Variants in IGSF21 observed in about 807,000 individuals in gnomAD.
The protein encoded by IGSF21 is immunoglobin superfamily member 21, also known as immunoglobulin superfamily member 21.
IGSF21 carries 28 observed loss-of-function variants against 46.8 expected under a neutral mutation model. That is an observed-to-expected ratio of 0.60 (90% CI 0.44 to 0.82). The LOEUF (loss-of-function observed/expected upper bound fraction) is 0.82, where lower values mean the gene tolerates loss of function less well. IGSF21 is among the 40% of genes least tolerant of loss of function. IGSF21 has a pLI of 0.00. For synonymous variants in IGSF21, 284 were observed against 273.6 expected, an observed-to-expected ratio of 1.04 and a Z score of -0.38; for missense variants, 624 against 665.5, an observed-to-expected ratio of 0.94 and a Z score of 0.69.
At chr1:18,367,810 G>A (rs927213104) in intron 6 of IGSF21, among the ~76,000 whole-genome samples, 15 of 150,838 alleles carry the variant, frequency 9.9e-5, no homozygotes, top group South Asian at 4.2e-4. Context: ...TCACCATATC[G>A]GCCAGGCTGG....
At chr1:18,369,488 T>C (rs2086202807) in intron 6 of IGSF21, among the ~76,000 whole-genome samples, 5 of 152,182 alleles carry the variant, frequency 3.3e-5, no homozygotes, top group Admixed American at 3.3e-4. Context: ...AGATCTCACA[T>C]TCTTAACCAC....
At chr1:18,373,295 G>A (rs1420015830) in intron 6 of IGSF21, among the ~76,000 whole-genome samples, 1 of 152,138 alleles carries the variant, frequency 6.6e-6, no homozygotes, top group Admixed American at 6.5e-5. Flanking sequence ...TTGAGAGGCA[G>A]GAAAGTCCGG....
At chr1:18,259,903 G>A (rs1389793688) in intron 2 of IGSF21, among the ~76,000 whole-genome samples, 1 of 152,184 alleles carries the variant, frequency 6.6e-6, no homozygotes, top group Non-Finnish European at 1.5e-5. Flanking sequence ...ACGGTGTTCT[G>A]GAGTTGTGTG....
intron 1 of IGSF21, among the ~76,000 whole-genome samples, chr1:18,134,305 AG>A (rs937288224): frequency 6.6e-6 from 1 of 151,968 alleles, no homozygotes; most frequent in African/African-American, 2.4e-5. Flanking sequence ...CCCTTCTGTA[AG>A]GGGGGCAGAG....
intron 1 of IGSF21, among the ~76,000 whole-genome samples, chr1:18,190,390 C>T (rs1357394660): frequency 6.6e-6 from 1 of 152,206 alleles, no homozygotes. Context: ...GGGAATGGAA[C>T]ACCTAGCCAG....
intron 3 of IGSF21, among the ~76,000 whole-genome samples, chr1:18,319,617 G>C (rs1225417132): frequency 6.6e-6 from 1 of 151,834 alleles, no homozygotes; most frequent in Non-Finnish European, 1.5e-5. Context: ...GAATTCACTA[G>C]GAGATGACGA....
chr1:18,211,208 A>C lies in IGSF21; in HGVS notation c.71-16690A>C, dbSNP rs559183102. Among the ~76,000 whole-genome samples the C allele has an allele frequency of 2.2e-4, 33 of 152,200 alleles. 2 individuals carry two copies. The South Asian group carries it at 6.9e-3, about 32-fold the overall frequency. ...ATTTCTAACGGCTGCTAGAGTGGAG[A>C]TGTGAAATCTCCCTGGGCCAGTCGG... is the stretch of plus-strand genomic sequence containing the variant. On this transcript the variant is annotated intron_variant, in intron 1 of 9. Coordinates refer to ENST00000251296, the MANE Select transcript of IGSF21 (RefSeq NM_032880.5).
chr1:18,362,158 C>A lies in IGSF21; in HGVS notation c.468C>A (p.Ala156=). Reference sequence around the variant, plus strand: ...AAGTGGTGGCTGCTGACACACCAGCCCCCTTCAGCCGCTACCAAGCCCAGA... The same window carrying A: ...AAGTGGTGGCTGCTGACACACCAGCACCCTTCAGCCGCTACCAAGCCCAGA... The part of the protein sequence containing the change: ...SIEVVAADTP[A]PFSRYQAQNF... Residue 156 remains alanine (A), a synonymous_variant, in exon 5 of 10, where the codon GCC becomes GCA. Transcript: ENST00000251296. 6.2e-7 allele frequency: 1 copy of A among 1,612,918 alleles called. No individual in the cohort carries two copies. The highest frequency in any genetic ancestry group is 1.7e-5 in the Admixed American group (1 of 59,934).
chr1:18,321,372 T>C (rs1477793088), intron 3 of IGSF21, among the ~76,000 whole-genome samples: 1 of 152,194 alleles, frequency 6.6e-6, no homozygotes, highest in Admixed American at 6.5e-5. Flanking sequence ...ACTGATTGAT[T>C]GTGTGACCTT....
At chr1:18,283,077 C>G (rs1381693210) in intron 2 of IGSF21, among the ~76,000 whole-genome samples, 1 of 152,212 alleles carries the variant, frequency 6.6e-6, no homozygotes, top group African/African-American at 2.4e-5. Flanking sequence ...CTTGCAGGAG[C>G]ACCTGCCCAC....
intron 1 of IGSF21, among the ~76,000 whole-genome samples, chr1:18,222,327 T>C (rs1006080114): frequency 3.3e-5 from 5 of 152,306 alleles, no homozygotes; most frequent in South Asian, 4.1e-4. Context: ...GAGCTAGTCA[T>C]CTCTGAATCT....
chr1:18,241,425 A>G (rs1382355888), intron 2 of IGSF21, among the ~76,000 whole-genome samples: 2 of 152,230 alleles, frequency 1.3e-5, no homozygotes, highest in Admixed American at 6.5e-5. Flanking sequence ...GACTAGAGTC[A>G]GGGAGACTGA....
chr1:18,362,539 A>T lies in IGSF21; in HGVS notation c.540+309A>T, dbSNP rs898430881. 1.1e-3 allele frequency among the ~76,000 whole-genome samples: 169 copies of T among 152,300 alleles called. 2 individuals are homozygous for T. Among genetic ancestry groups the T allele is most frequent in the African/African-American group, 3.8e-3 (156 of 41,568 alleles). On this transcript the variant is annotated intron_variant, in intron 5 of 9. Coordinates refer to ENST00000251296, the MANE Select transcript of IGSF21 (RefSeq NM_032880.5). ...CCAGCATGCCTGACCCCAGTTATTG[A>T]GTCCCACGGAGACAAATGAAAGGGG... is the stretch of plus-strand genomic sequence containing the variant.
intron 1 of IGSF21, among the ~76,000 whole-genome samples, chr1:18,163,505 A>T (rs1372374053): frequency 6.6e-6 from 1 of 152,224 alleles, no homozygotes; most frequent in Non-Finnish European, 1.5e-5. Flanking sequence ...ACACATTTGC[A>T]CAGGGTTAGA....
chr1:18,292,296 G>A (rs182891173), intron 3 of IGSF21, among the ~76,000 whole-genome samples: 5 of 152,254 alleles, frequency 3.3e-5, no homozygotes, highest in African/African-American at 7.2e-5. Context: ...GGCCCAGAGA[G>A]GGGGAGCAAT....
chr1:18,148,878 A>G (rs1000703710), intron 1 of IGSF21, among the ~76,000 whole-genome samples: 1 of 152,272 alleles, frequency 6.6e-6, no homozygotes, highest in Non-Finnish European at 1.5e-5. Context: ...GATTGTTTGT[A>G]GTCAAGTACA....
intron 6 of IGSF21, among the ~76,000 whole-genome samples, chr1:18,366,433 G>A (rs942794702): frequency 6.6e-6 from 1 of 152,106 alleles, no homozygotes; most frequent in African/African-American, 2.4e-5. Context: ...GGAACCTTGA[G>A]GTCATGGCAT....
chr1:18,267,524 A>G (rs2085001203), intron 2 of IGSF21, among the ~76,000 whole-genome samples: 1 of 152,212 alleles, frequency 6.6e-6, no homozygotes, highest in Non-Finnish European at 1.5e-5. Context: ...ATGGAAAAAG[A>G]CATTTCTAGG....
chr1:18,111,227 C>T (rs1287023537), intron 1 of IGSF21: 1 of 152,230 alleles, frequency 6.6e-6, no homozygotes, highest in East Asian at 1.9e-4. Flanking sequence ...GGGCCCTAAT[C>T]CCTTGCAGGC....
Sources: allele counts gnomAD v4.1 joint callset (sites outside exome capture counted in the v4.1 genomes callset), GRCh38; gene constraint gnomAD v4.1.1; transcripts MANE v1.5; gene names NCBI Gene and HGNC (gene_info 2026-07-23, HGNC 2026-07-21).